The following LRRC63 variants were observed in gnomAD, a reference collection of about 807,000 sequenced individuals.
The protein encoded by LRRC63 is leucine rich repeat containing 63, also known as leucine-rich repeat-containing protein 63.
In LRRC63, 40 loss-of-function variants were observed where a neutral mutation model predicts 49.5. The observed-to-expected ratio is 0.81, with a 90% confidence interval of 0.63 to 1.05. The LOEUF is 1.05. Among genes scored for constraint, LRRC63 ranks in the 50% least tolerant of loss-of-function variants. LRRC63 has a pLI of 0.00. For missense variants in LRRC63, 636 were observed against 663.1 expected, an observed-to-expected ratio of 0.96 and a Z score of 0.45; for synonymous variants, 191 against 221.1, an observed-to-expected ratio of 0.86 and a Z score of 1.21.
At chr13:46,255,897 C>A (rs2047500412) in intron 7 of LRRC63, among the ~76,000 whole-genome samples, 1 of 152,010 alleles carries the variant, frequency 6.6e-6, no homozygotes, top group African/African-American at 2.4e-5. Flanking sequence ...AGTCAATTCC[C>A]AGACTTCTAA....
exon 9 of LRRC63, chr13:46,266,967 A>C: frequency 6.5e-7 from 1 of 1,528,574 alleles, no homozygotes; most frequent in East Asian, 2.5e-5. Context: ...AGAAGTTACT[A>C]AAATGGTGAG....
chr13:46,251,286 A>G (rs1179068974), intron 7 of LRRC63, among the ~76,000 whole-genome samples: 1 of 151,924 alleles, frequency 6.6e-6, no homozygotes, highest in Non-Finnish European at 1.5e-5. Context: ...ATTCATAAAC[A>G]TTCAGTTATT....
At position 46,266,784 on chromosome 13, in the gene LRRC63, T is replaced by C. The variant is rs1370588595; in HGVS notation, c.1362T>C (p.His454=). Residue 454 remains histidine, a synonymous_variant, in exon 9 of 10, where the codon CAT becomes CAC. Transcript: ENST00000595396. ...GGAATGAACTGAGTTTTTTCCCCCATGGAATTTTGAAGCTTAACCTGACAA... is the reference window on the plus strand; with the variant it reads ...GGAATGAACTGAGTTTTTTCCCCCACGGAATTTTGAAGCTTAACCTGACAA... The C allele has an allele frequency of 3.9e-6, 6 of 1,550,060 alleles. No homozygotes were observed. The East Asian group carries it at 1.2e-4, about 32-fold the overall frequency.
chr13:46,270,634 G>C, intron 9 of LRRC63: 1 of 813,826 alleles, frequency 1.2e-6, no homozygotes. Context: ...GACTGACATG[G>C]AGCAAAAAGC....
Position 46,228,985 on chromosome 13 carries a change from A to T in LRRC63, c.832+252A>T, listed in dbSNP as rs116880211. Among the ~76,000 whole-genome samples the T allele has an allele frequency of 1.1e-3, 166 of 152,328 alleles. 2 individuals carry two copies. In the East Asian group the frequency reaches 0.03, roughly 27 times the overall value. On this transcript the variant is annotated intron_variant, in intron 4 of 9. Transcript: ENST00000595396. ...TAATCTGGGTGGGGTGGACAGGCATACAGAAATATGAATTAACTATTTGCC... is the reference window on the plus strand; with the variant it reads ...TAATCTGGGTGGGGTGGACAGGCATTCAGAAATATGAATTAACTATTTGCC...
chr13:46,255,645 A>AAAAAAAAAAAAATATATATATATAT (rs1555328641), intron 7 of LRRC63, among the ~76,000 whole-genome samples: 3 of 129,468 alleles, frequency 2.3e-5, no homozygotes, highest in African/African-American at 8.7e-5. Flanking sequence ...CCCTGCCTCA[A>AAAAAAAAAAAAATATATATATATAT]ATATATATAT....
chr13:46,244,094 C>T (rs1247619324), intron 5 of LRRC63, among the ~76,000 whole-genome samples: 1 of 151,966 alleles, frequency 6.6e-6, no homozygotes, highest in Non-Finnish European at 1.5e-5. Context: ...ATATAAAGGA[C>T]CTTTTGAAAC....
intron 9 of LRRC63, among the ~76,000 whole-genome samples, chr13:46,273,065 T>G (rs2047781817): frequency 2.0e-5 from 3 of 152,158 alleles, no homozygotes. Context: ...CATTTTCATG[T>G]AAATAAAAAC....
rs138657697 is a variant in LRRC63, at chr13:46,222,345, G to GTCCA, written c.86-5166_86-5163dup. 2.3e-3 allele frequency among the ~76,000 whole-genome samples: 357 copies of GTCCA among 152,224 alleles called. 3 individuals are homozygous for GTCCA. The highest frequency in any genetic ancestry group is 8.1e-3 in the African/African-American group (338 of 41,532). ...TCATAAATTATTTTCCTAGACCAGT[G>GTCCA]TCCAGGAGAGTTTTACCTAGGTCTT... On this transcript the variant is annotated intron_variant, in intron 2 of 9. Transcript: ENST00000595396.
Position 46,247,331 on chromosome 13 carries a change from A to T in LRRC63, c.1089+706A>T, listed in dbSNP as rs71432904. Among the ~76,000 whole-genome samples, 1,266 of 152,230 alleles carry T rather than the reference A, an allele frequency of 8.3e-3. 7 individuals carry two copies. Among genetic ancestry groups the T allele is most frequent in the South Asian group, 0.017 (81 of 4,826 alleles). On this transcript the variant is annotated intron_variant, in intron 6 of 9. Transcript: ENST00000595396. ...GAAGTTATTTCTTTTCTAATACATA[A>T]CACCAGTTTTATTAATTTGACTAGG...
intron 7 of LRRC63, among the ~76,000 whole-genome samples, chr13:46,259,580 C>T (rs2047582093): frequency 6.6e-6 from 1 of 152,146 alleles, no homozygotes; most frequent in South Asian, 2.1e-4. Context: ...TATTTGAAAG[C>T]CGTGTCTTAA....
exon 7 of LRRC63, chr13:46,250,396 T>A (rs1287203212): frequency 2.6e-6 from 4 of 1,525,104 alleles, no homozygotes; most frequent in Non-Finnish European, 3.6e-6. Context: ...AATTGAGAAA[T>A]AATCCTATCA....
Position 46,269,491 on chromosome 13 carries a change from C to T in LRRC63, c.1550+2519C>T, listed in dbSNP as rs572553886. On this transcript the variant is annotated intron_variant, in intron 9 of 9. Transcript: ENST00000595396. ...AGGAAAAAACAATAAAATCAGATTC[C>T]AGCTATATATATGTCACCATCAGAC... Among the ~76,000 whole-genome samples, 4 of 151,852 alleles carry T rather than the reference C, an allele frequency of 2.6e-5. No homozygotes were observed. In the South Asian group the frequency reaches 8.3e-4, roughly 32 times the overall value.
chr13:46,266,633 C>T (rs928340014), intron 8 of LRRC63, 100 bp from the exon 9 acceptor site: 1 of 905,824 alleles, frequency 1.1e-6, no homozygotes, highest in Admixed American at 3.1e-5. Flanking sequence ...TTTATTGGTA[C>T]TAGTTTGATG....
chr13:46,257,169 G>A (rs1279303065), intron 7 of LRRC63, among the ~76,000 whole-genome samples: 1 of 152,130 alleles, frequency 6.6e-6, no homozygotes, highest in Non-Finnish European at 1.5e-5. Flanking sequence ...AAGGAATGAG[G>A]CAGCTTGAAA....
chr13:46,269,003 G>A (rs567853282), intron 9 of LRRC63, among the ~76,000 whole-genome samples: 17 of 152,122 alleles, frequency 1.1e-4, no homozygotes, highest in African/African-American at 3.9e-4. Context: ...AAGCTTTATA[G>A]AATAGTAAAG....
At chr13:46,221,461 A>G (rs2046405460) in intron 2 of LRRC63, among the ~76,000 whole-genome samples, 1 of 152,248 alleles carries the variant, frequency 6.6e-6, no homozygotes, top group Non-Finnish European at 1.5e-5. Flanking sequence ...AGAAATCTGA[A>G]TTAATACCGA....
intron 7 of LRRC63, among the ~76,000 whole-genome samples, chr13:46,257,656 A>G (rs1366640030): frequency 9.2e-5 from 14 of 152,198 alleles, no homozygotes; most frequent in Non-Finnish European, 4.4e-5. Flanking sequence ...ACTGGAACAA[A>G]GTGGGGGTTT....
At chr13:46,232,136 A>G (rs1386971482) in intron 4 of LRRC63, among the ~76,000 whole-genome samples, 4 of 152,036 alleles carry the variant, frequency 2.6e-5, no homozygotes, top group African/African-American at 9.7e-5. Context: ...TTTAAACAAC[A>G]TCGGAATTCC....
Sources: allele counts gnomAD v4.1 joint callset (sites outside exome capture counted in the v4.1 genomes callset), GRCh38; gene constraint gnomAD v4.1.1; transcripts MANE v1.5; gene names NCBI Gene and HGNC (gene_info 2026-07-23, HGNC 2026-07-21).